Variants in FOXN1 observed in about 807,000 individuals in gnomAD.
FOXN1 encodes the protein forkhead box protein N1.
FOXN1 carries 15 observed loss-of-function variants against 49.0 expected under a neutral mutation model. The observed-to-expected ratio is 0.31, with a 90% CI of 0.20 to 0.47. The LOEUF is 0.47. Among genes scored for constraint, FOXN1 ranks in the 20% least tolerant of loss-of-function variants. The pLI, the probability that FOXN1 is intolerant of heterozygous loss-of-function variation, is 1.00. For missense variants in FOXN1, 800 were observed against 842.8 expected (o/e 0.95, Z 0.63); for synonymous variants, 356 against 369.0 (o/e 0.96, Z 0.40).
chr17:28,526,202 G>A (rs1422296467), intron 3 of FOXN1, among the ~76,000 whole-genome samples: 1 of 152,188 alleles, frequency 6.6e-6, no homozygotes, highest in African/African-American at 2.4e-5. Context: ...GGTGACCTTG[G>A]GCATATTGCT....
At position 28,537,236 on chromosome 17, in the gene FOXN1, C is replaced by G. The variant is rs755395434; in HGVS notation, c.1747C>G (p.Pro583Ala). ...PPQPPPHCFP[P>A]GPCLTETGSG... ...CCAGCCACCACCTCACTGCTTCCCCCCTGGGCCCTGTCTGACAGAGACAGG... is the reference window on the plus strand; with the variant it reads ...CCAGCCACCACCTCACTGCTTCCCCGCTGGGCCCTGTCTGACAGAGACAGG... The change falls in exon 9 of 9, where the codon CCT becomes GCT. Residue 583 changes from proline to alanine, a missense_variant. Transcript: ENST00000579795. 2 of 1,614,070 alleles carry G rather than the reference C, an allele frequency of 1.2e-6. No individual in the cohort carries two copies. The highest frequency in any genetic ancestry group is 1.7e-6 in the Non-Finnish European group (2 of 1,179,938).
At chr17:28,529,511 G>A (rs981572638) in intron 5 of FOXN1, among the ~76,000 whole-genome samples, 8 of 152,128 alleles carry the variant, frequency 5.3e-5, no homozygotes, top group African/African-American at 1.9e-4. Flanking sequence ...TAGGGCCCAG[G>A]GCCTGGATCT....
intron 1 of FOXN1, among the ~76,000 whole-genome samples, chr17:28,510,580 G>GCACACACACACACA (rs5819850): frequency 7.2e-6 from 1 of 138,086 alleles, no homozygotes; most frequent in Admixed American, 7.1e-5. Context: ...GCACACACAC[G>GCACACACACACACA]CACACACACA....
chr17:28,535,848 C>T (rs1466584408), intron 8 of FOXN1, among the ~76,000 whole-genome samples: 1 of 152,220 alleles, frequency 6.6e-6, no homozygotes, highest in Non-Finnish European at 1.5e-5. Context: ...TGAACATTCT[C>T]AGATGCATTT....
intron 1 of FOXN1, among the ~76,000 whole-genome samples, chr17:28,509,239 C>T (rs781899098): frequency 6.6e-6 from 1 of 152,054 alleles, no homozygotes; most frequent in African/African-American, 2.4e-5. Flanking sequence ...ATCCCTGACC[C>T]TTCCACCCGT....
intron 1 of FOXN1, among the ~76,000 whole-genome samples, chr17:28,521,499 G>A (rs866284537): frequency 7.2e-5 from 11 of 152,354 alleles, no homozygotes; most frequent in South Asian, 2.1e-4. Context: ...GCAGTGATGC[G>A]GAGCGGGAGG....
rs371414972 is a variant in FOXN1 at position 28,524,779 on chromosome 17, G to A, written c.400G>A (p.Val134Ile). ...HPYKRPFHEDVFPEAETTLAL... is the reference protein window; with the variant it reads ...HPYKRPFHEDIFPEAETTLAL... ...GTACAAGCGGCCTTTCCATGAGGAC[G>A]TCTTCCCAGAGGCCGAGACCACCCT... Residue 134 changes from valine to isoleucine, a missense_variant, in exon 3 of 9, where the codon GTC (valine) becomes ATC (isoleucine). Physicochemically the swap from Val to Ile is conservative, Grantham distance 29. Transcript: ENST00000579795. The A allele has an allele frequency of 2.2e-5, 35 of 1,613,440 alleles. No individual in the cohort carries two copies. The highest frequency in any genetic ancestry group is 4.0e-5 in the African/African-American group (3 of 74,932).
chr17:28,523,360 C>CAGTT (rs2069680808), intron 1 of FOXN1, among the ~76,000 whole-genome samples: 1 of 152,198 alleles, frequency 6.6e-6, no homozygotes, highest in Non-Finnish European at 1.5e-5. Context: ...TTTGGGTCCC[C>CAGTT]AGTTACACAC....
intron 1 of FOXN1, among the ~76,000 whole-genome samples, chr17:28,517,791 C>T (rs1270700373): frequency 5.5e-3 from 756 of 136,332 alleles, no homozygotes; most frequent in African/African-American, 0.022. Context: ...CATACCTCCA[C>T]AGGGTACACA....
chr17:28,535,227 G>A (rs1204290614), intron 8 of FOXN1, 29 bp downstream of exon 8: 1 of 1,608,384 alleles, frequency 6.2e-7, no homozygotes. Context: ...AGGGAAGGTG[G>A]GACAGGACTG....
rs978916727 is a variant in FOXN1 at position 28,535,316 on chromosome 17, A to C, written c.1627+118A>C. 5.2e-5 allele frequency: 59 copies of C among 1,133,482 alleles called. No homozygotes were observed. In the African/African-American group the frequency reaches 7.9e-4, roughly 15 times the overall value. 70.2% of individuals were successfully genotyped at this position (1,133,482 alleles called of 1,614,324 possible). A position where few individuals can be genotyped will look rare whatever the true frequency, so the allele number is the denominator to read the frequency against. ...CTGCAAGTGGCTGGGTTTCTGGTCA[A>C]CTGAAGCAGAGGAGGCTGGACCTGG... On this transcript the variant is annotated intron_variant, in intron 8 of 8. Coordinates refer to ENST00000579795, the MANE Select transcript of FOXN1 (RefSeq NM_001369369.1).
Position 28,524,700 on chromosome 17 carries a change from C to A in FOXN1, c.321C>A (p.Ala107=). The A allele has an allele frequency of 6.2e-7, 1 of 1,612,840 alleles. No homozygotes were observed. Among genetic ancestry groups the A allele is most frequent in the South Asian group, 1.1e-5 (1 of 91,040 alleles). The stretch of plus-strand genomic sequence containing the variant: ...ATCCTGGCTTTGGCTTTGAGGAGGC[C>A]GCAGCAAGCAGCCCTGGGCGATTCC... The part of the protein sequence containing the change: ...DKYPGFGFEE[A]AASSPGRFLK... Residue 107 remains alanine, a synonymous_variant, in exon 3 of 9, where the codon GCC becomes GCA. Transcript: ENST00000579795.
intron 1 of FOXN1, 164 bp from the exon 2 acceptor site, chr17:28,523,792 T>TTCTCTCTCTCTCTC (rs10527420): frequency 3.6e-4 from 236 of 650,380 alleles, no homozygotes; most frequent in African/African-American, 2.1e-3. Context: ...CGCTCTCTGG[T>TTCTCTCTCTCTCTC]TCTCTCTCTC....
intron 1 of FOXN1, among the ~76,000 whole-genome samples, chr17:28,519,704 G>A (rs758466538): frequency 6.6e-5 from 10 of 152,106 alleles, no homozygotes; most frequent in Admixed American, 1.3e-4. Context: ...GAGACCTCCC[G>A]AGAGATCCAA....
chr17:28,526,542 C>T (rs2069773680), intron 3 of FOXN1, among the ~76,000 whole-genome samples: 1 of 152,310 alleles, frequency 6.6e-6, no homozygotes, highest in South Asian at 2.1e-4. Context: ...CATGGGAAGG[C>T]GGAGTCTGGC....
At position 28,522,642 on chromosome 17, in the gene FOXN1, G is replaced by A. The variant is rs141323959; in HGVS notation, c.-14-1314G>A. ...AGCCTAGGCAACAGAGGGAGACTCC[G>A]TCTCCAAAAAAACAAATAAATAAAA... On this transcript the variant is annotated intron_variant, in intron 1 of 8. Coordinates refer to ENST00000579795, the MANE Select transcript of FOXN1 (RefSeq NM_001369369.1). 2.7e-3 allele frequency among the ~76,000 whole-genome samples: 413 copies of A among 150,518 alleles called. 2 individuals carry two copies. The highest frequency in any genetic ancestry group is 9.7e-3 in the African/African-American group (396 of 40,848).
chr17:28,516,692 G>A (rs1284638362), intron 1 of FOXN1, among the ~76,000 whole-genome samples: 41 of 108,794 alleles, frequency 3.8e-4, no homozygotes, highest in Middle Eastern at 8.8e-3. Flanking sequence ...CGGGGTACAC[G>A]CCTCCACAGA....
intron 1 of FOXN1, among the ~76,000 whole-genome samples, chr17:28,512,353 C>G (rs1555607144): frequency 6.6e-6 from 1 of 152,226 alleles, no homozygotes; most frequent in Non-Finnish European, 1.5e-5. Flanking sequence ...AAGGATCAAG[C>G]AGGCAACAAG....
In FOXN1 at chr17:28,534,882, C is replaced by T. The variant is rs1185811723; in HGVS notation, c.1311C>T (p.Asn437=). The change falls in exon 8 of 9, where the codon AAC becomes AAT. Residue 437 remains asparagine, a synonymous_variant. Transcript: ENST00000579795. This position sits in a 1 kb window ranked among gnomAD's most constrained non-coding sequence, Gnocchi z 4.1. ...HPAPGPIPGK[N]PLQDLLMGHT... is the part of the protein sequence containing the mutation. Reference sequence around the variant, plus strand: ...CTCCAGGCCCCATTCCTGGCAAGAACCCCCTGCAGGACCTACTTATGGGGC... The same window carrying T: ...CTCCAGGCCCCATTCCTGGCAAGAATCCCCTGCAGGACCTACTTATGGGGC... The T allele has an allele frequency of 6.2e-7, 1 of 1,614,096 alleles. No homozygotes were observed. The highest frequency in any genetic ancestry group is 8.5e-7 in the Non-Finnish European group (1 of 1,179,964).
Sources: gnomAD v4.1 joint callset for allele counts (sites outside exome capture counted in the v4.1 genomes callset) on GRCh38, gnomAD v4.1.1 for gene constraint, Gnocchi (gnomAD v3.1) non-coding constraint, MANE v1.5 for transcripts, NCBI Gene and HGNC (gene_info 2026-07-23, HGNC 2026-07-21) for gene names.